The following CERS6 variants were observed in gnomAD, a reference collection of about 807,000 sequenced individuals.
CERS6 encodes the protein ceramide synthase 6.
A neutral mutation model predicts 56.8 loss-of-function variants in CERS6; 26 were observed. The ratio of observed to expected loss-of-function variants is 0.46; its 90% CI spans 0.34 to 0.63. The LOEUF is 0.63. Ranked by LOEUF, CERS6 falls within the 30% of genes least tolerant of loss-of-function variation. The pLI, the probability that CERS6 is intolerant of heterozygous loss-of-function variation, is 0.01. For synonymous variants in CERS6, 164 were observed against 173.3 expected, an observed-to-expected ratio of 0.95 and a Z score of 0.42; for missense variants, 415 against 467.5, an observed-to-expected ratio of 0.89 and a Z score of 1.04.
intron 4 of CERS6, among the ~76,000 whole-genome samples, chr2:168,674,856 A>G (rs1686014079): frequency 6.6e-6 from 1 of 152,170 alleles, no homozygotes; most frequent in Non-Finnish European, 1.5e-5. Flanking sequence ...TAACAATTAT[A>G]CAGGATCTTA....
chr2:168,704,223 G>C (rs1030488132), intron 6 of CERS6, among the ~76,000 whole-genome samples: 1 of 152,152 alleles, frequency 6.6e-6, no homozygotes, highest in African/African-American at 2.4e-5. Flanking sequence ...TCAGGGTGCA[G>C]AAGAGTGACG....
At chr2:168,642,147 A>G (rs2105307337) in intron 4 of CERS6, among the ~76,000 whole-genome samples, 1 of 152,254 alleles carries the variant, frequency 6.6e-6, no homozygotes, top group East Asian at 1.9e-4. Flanking sequence ...TGAGGCAGGC[A>G]TATCACTTGA....
intron 6 of CERS6, among the ~76,000 whole-genome samples, chr2:168,706,667 G>A (rs1686948534): frequency 6.6e-6 from 1 of 152,122 alleles, no homozygotes; most frequent in African/African-American, 2.4e-5. Context: ...ATATTGAATG[G>A]ATTACATCCG....
At chr2:168,472,385 G>T (rs1481837964) in intron 1 of CERS6, among the ~76,000 whole-genome samples, 1 of 152,120 alleles carries the variant, frequency 6.6e-6, no homozygotes, top group African/African-American at 2.4e-5. Flanking sequence ...AAGAGGAAAG[G>T]CCTAATTTAT....
chr2:168,507,036 CTGTGTG>C (rs369694778), intron 1 of CERS6, among the ~76,000 whole-genome samples: 2 of 151,082 alleles, frequency 1.3e-5, no homozygotes, highest in Non-Finnish European at 3.0e-5. Context: ...CATGTGTGCA[CTGTGTG>C]TGTGTGTGTA....
At chr2:168,594,403 A>G (rs1683746089) in intron 3 of CERS6, among the ~76,000 whole-genome samples, 2 of 152,144 alleles carry the variant, frequency 1.3e-5, no homozygotes, top group Non-Finnish European at 1.5e-5. Flanking sequence ...TGTGCAACAT[A>G]GGGAGACTCC....
At position 168,676,262 on chromosome 2, in the gene CERS6, T is replaced by C. The variant is rs139226967; in HGVS notation, c.466-14772T>C. The stretch of plus-strand genomic sequence containing the variant: ...GTCTTTTTTTAATGTCAGTGGACTT[T>C]TTATACACAGTTAATGTTAACATCT... On this transcript the variant is annotated intron_variant, in intron 4 of 9. Transcript: ENST00000305747. Among the ~76,000 whole-genome samples, 29 of 152,338 alleles carry C rather than the reference T, an allele frequency of 1.9e-4. No individual in the cohort carries two copies. In the East Asian group the frequency reaches 5.4e-3, roughly 28 times the overall value.
intron 4 of CERS6, among the ~76,000 whole-genome samples, chr2:168,645,140 T>TAGAGAGAG (rs1258824707): frequency 1.3e-4 from 3 of 23,656 alleles, no homozygotes; most frequent in African/African-American, 4.0e-4. Context: ...TATATATATA[T>TAGAGAGAG]ATAGAGAGAG....
chr2:168,639,590 G>T (rs1684939971), intron 4 of CERS6, among the ~76,000 whole-genome samples: 1 of 152,118 alleles, frequency 6.6e-6, no homozygotes, highest in African/African-American at 2.4e-5. Context: ...CTTTCTGGGG[G>T]AAGTAATGAG....
intron 1 of CERS6, among the ~76,000 whole-genome samples, chr2:168,484,758 A>G (rs1694245540): frequency 1.3e-5 from 2 of 152,086 alleles, no homozygotes; most frequent in East Asian, 3.9e-4. Context: ...AATTTTTCTC[A>G]TTAGAGGCAT....
intron 2 of CERS6, among the ~76,000 whole-genome samples, chr2:168,554,472 A>C (rs1227117610): frequency 6.6e-6 from 1 of 152,186 alleles, no homozygotes; most frequent in African/African-American, 2.4e-5. Context: ...TCCATATACA[A>C]ACGGGACAAT....
intron 8 of CERS6, among the ~76,000 whole-genome samples, chr2:168,742,670 A>T (rs1683950626): frequency 6.6e-6 from 1 of 152,140 alleles, no homozygotes; most frequent in Non-Finnish European, 1.5e-5. Flanking sequence ...GGCAGAGGGA[A>T]CCACTAATAC....
intron 4 of CERS6, among the ~76,000 whole-genome samples, chr2:168,654,798 G>A (rs1193048954): frequency 1.3e-5 from 2 of 152,108 alleles, no homozygotes; most frequent in Admixed American, 1.3e-4. Context: ...TGGTTTTATA[G>A]AACACTTAAC....
rs1049370219 is a variant in CERS6 at position 168,771,863 on chromosome 2, T to C, written c.*2201T>C. ...CATTAGCAAAGGCAAATCTAAGCAA[T>C]CATTTTTCCCCCCAGAAGTTACTTA... On this transcript the variant is annotated 3_prime_UTR_variant, in exon 10 of 10. Transcript: ENST00000305747. 2.0e-5 allele frequency: 3 copies of C among 152,208 alleles called. No individual in the cohort carries two copies. The highest frequency in any genetic ancestry group is 4.4e-5 in the Non-Finnish European group (3 of 68,032). The allele number at this position is 152,208 out of a possible 1,614,324, so 9.4% of individuals were successfully genotyped here.
At chr2:168,515,248 T>C (rs1271501888) in intron 1 of CERS6, among the ~76,000 whole-genome samples, 3 of 152,216 alleles carry the variant, frequency 2.0e-5, no homozygotes, top group Admixed American at 6.5e-5. Context: ...TGAACAATTA[T>C]GTATTTTTTG....
At chr2:168,746,968 T>C (rs1425129357) in intron 8 of CERS6, among the ~76,000 whole-genome samples, 1 of 151,742 alleles carries the variant, frequency 6.6e-6, no homozygotes, top group African/African-American at 2.4e-5. Context: ...TACCTAGTGT[T>C]AATTACCATT....
At chr2:168,504,337 C>T (rs1027839569) in intron 1 of CERS6, among the ~76,000 whole-genome samples, 2 of 151,706 alleles carry the variant, frequency 1.3e-5, no homozygotes, top group East Asian at 3.9e-4. Flanking sequence ...CACCACTGCA[C>T]TCCAGTCTGG....
chr2:168,740,574 A>G (rs1022708326), intron 8 of CERS6, among the ~76,000 whole-genome samples: 1 of 152,226 alleles, frequency 6.6e-6, no homozygotes, highest in African/African-American at 2.4e-5. Context: ...TCTGAGGGTC[A>G]GGCAATGCTT....
chr2:168,683,611 G>A (rs994377145), intron 4 of CERS6, among the ~76,000 whole-genome samples: 3 of 152,074 alleles, frequency 2.0e-5, no homozygotes, highest in African/African-American at 2.4e-5. Flanking sequence ...CATTCTCACC[G>A]TTTCCCTCCC....
Sources: gnomAD v4.1 joint callset for allele counts (sites outside exome capture counted in the v4.1 genomes callset) on GRCh38, gnomAD v4.1.1 for gene constraint, MANE v1.5 for transcripts, NCBI Gene and HGNC (gene_info 2026-07-23, HGNC 2026-07-21) for gene names.